CMYA5: variants seen among roughly 807,000 people sequenced by gnomAD.
CMYA5 encodes cardiomyopathy associated 5.
CMYA5 carries 246 observed loss-of-function variants against 318.9 expected under a neutral mutation model. The observed-to-expected ratio is 0.77, with a 90% CI of 0.70 to 0.86. CMYA5 has a LOEUF of 0.86. Among genes scored for constraint, CMYA5 ranks in the 40% least tolerant of loss-of-function variants. The pLI is 0.00. For missense variants in CMYA5, 4,589 were observed against 4,678.2 expected (o/e 0.98, Z 0.56); for synonymous variants, 1,641 against 1,729.5 (o/e 0.95, Z 1.27).
In CMYA5 at chr5:79,735,091, A is replaced by G; in HGVS notation, c.6326A>G (p.Gln2109Arg). ...CCATTGGAAGAATCAAAAATGGTTC[A>G]GTCAAAGGTTATTGATGATGCTGAT... is the stretch of plus-strand genomic sequence containing the variant. ...EKPLEESKMV[Q>R]SKVIDDADEG... The change falls in exon 2 of 13, where the codon CAG becomes CGG. Residue 2109 changes from glutamine to arginine, a missense_variant. Transcript: ENST00000446378. The G allele has an allele frequency of 6.2e-7, 1 of 1,613,868 alleles. No homozygotes were observed. The highest frequency in any genetic ancestry group is 2.2e-5 in the East Asian group (1 of 44,882).
intron 9 of CMYA5, among the ~76,000 whole-genome samples, chr5:79,764,132 C>A (rs1828706379): frequency 6.6e-6 from 1 of 151,968 alleles, no homozygotes. Flanking sequence ...GGTGTTTCTC[C>A]TAATTCTATC....
Position 79,689,966 on chromosome 5 carries a change from A to G in CMYA5, c.59A>G (p.Glu20Gly). 1 of 1,247,784 alleles carries G rather than the reference A, an allele frequency of 8.0e-7. No homozygotes were observed. The highest frequency in any genetic ancestry group is 1.1e-6 in the Non-Finnish European group (1 of 877,656). The allele number at this position is 1,247,784 out of a possible 1,614,324, so 77.3% of individuals were successfully genotyped here. The part of the protein sequence containing the change: ...GESFLGSDGD[E>G]EATRELETEE... Reference sequence around the variant, plus strand: ...AGCTTTCTCGGCTCCGACGGGGACGAGGAGGCGACCCGGGAGCTGGAGACC... The same window carrying G: ...AGCTTTCTCGGCTCCGACGGGGACGGGGAGGCGACCCGGGAGCTGGAGACC... Residue 20 changes from glutamate to glycine, a missense_variant, in exon 1 of 13, where the codon GAG becomes GGG. Around this residue, in one of 3 missense-constraint regions of CMYA5, gnomAD observed 2,132 missense variants for 2,131.3 expected, o/e 1.00. Coordinates refer to ENST00000446378, the MANE Select transcript of CMYA5 (RefSeq NM_153610.5).
Position 79,730,247 on chromosome 5 carries a change from T to C in CMYA5, c.1482T>C (p.Ser494=), listed in dbSNP as rs534812277. The change falls in exon 2 of 13, where the codon TCT becomes TCC. Residue 494 remains serine, a synonymous_variant. Transcript: ENST00000446378. ...KEENMLEPSI[S]LSEPLMLEEP... The stretch of plus-strand genomic sequence containing the variant: ...AAAACATGCTTGAGCCATCCATTTC[T>C]CTTTCTGAACCTCTAATGTTAGAAG... 1 of 1,613,992 alleles carries C rather than the reference T, an allele frequency of 6.2e-7. No homozygotes were observed. The highest frequency in any genetic ancestry group is 8.5e-7 in the Non-Finnish European group (1 of 1,179,892).
Position 79,731,803 on chromosome 5 carries a change from T to A in CMYA5, c.3038T>A (p.Ile1013Asn). Reference sequence around the variant, plus strand: ...CAAGTTTCAATCCCTCCCTTTAGAATCTCAGAAACAGAGAAAAATGAACTT... The same window carrying A: ...CAAGTTTCAATCCCTCCCTTTAGAAACTCAGAAACAGAGAAAAATGAACTT... ...ASQVSIPPFR[I>N]SETEKNELEP... The change falls in exon 2 of 13, where the codon ATC becomes AAC. Residue 1013 changes from isoleucine to asparagine, a missense_variant. Around this residue, in one of 3 missense-constraint regions of CMYA5, gnomAD observed 2,132 missense variants for 2,131.3 expected, o/e 1.00. Transcript: ENST00000446378. 4 of 1,612,948 alleles carry A rather than the reference T, an allele frequency of 2.5e-6. No homozygotes were observed. Among genetic ancestry groups the A allele is most frequent in the Non-Finnish European group, 3.4e-6 (4 of 1,179,588 alleles).
Position 79,732,380 on chromosome 5 carries a change from A to G in CMYA5, c.3615A>G (p.Arg1205=). Reference sequence around the variant, plus strand: ...AACAGATGGCTTTGTCAAAAGTCAGAAAGGAAGAAATTGTGCCTGATTCTC... The same window carrying G: ...AACAGATGGCTTTGTCAAAAGTCAGGAAGGAAGAAATTGTGCCTGATTCTC... ...ADEQMALSKV[R]KEEIVPDSQE... is the part of the protein sequence containing the mutation. The change falls in exon 2 of 13, where the codon AGA becomes AGG. Residue 1205 remains arginine, a synonymous_variant. Coordinates refer to ENST00000446378, the MANE Select transcript of CMYA5 (RefSeq NM_153610.5). 1.2e-6 allele frequency: 2 copies of G among 1,613,822 alleles called. No homozygotes were observed. Among genetic ancestry groups the G allele is most frequent in the Non-Finnish European group, 1.7e-6 (2 of 1,179,828 alleles).
Position 79,743,883 on chromosome 5 carries a change from CTT to C in CMYA5, c.10697_10698del (p.Phe3566CysfsTer2), listed in dbSNP as rs1291330683. The C allele has an allele frequency of 3.9e-6, 6 of 1,547,468 alleles. No homozygotes were observed. Among genetic ancestry groups the C allele is most frequent in the Non-Finnish European group, 5.2e-6 (6 of 1,144,526 alleles). On this transcript the variant is annotated frameshift_variant, in exon 3 of 13. Transcript: ENST00000446378. LOFTEE classifies it high-confidence loss of function. ...AAGAAAAGTCCTTGAGGATTGAAGC[CTT>C]TGTTAGTGAGATAGAATCCTTTTTT... The part of the protein sequence containing the change: ...LQEKSLRIEA[F>X]VSEIESFFNT...
At chr5:79,786,630 T>C (rs1352801522) in intron 9 of CMYA5, among the ~76,000 whole-genome samples, 1 of 152,184 alleles carries the variant, frequency 6.6e-6, no homozygotes, top group African/African-American at 2.4e-5. Flanking sequence ...ATTAAAAAAA[T>C]CATAATCTCT....
At chr5:79,789,720 T>C (rs1156370971) in intron 10 of CMYA5, among the ~76,000 whole-genome samples, 11 of 152,278 alleles carry the variant, frequency 7.2e-5, no homozygotes, top group African/African-American at 2.2e-4. Flanking sequence ...CCACCATGCC[T>C]GGCCTCTCCA....
At chr5:79,752,516 C>G (rs1478415841) in intron 5 of CMYA5, among the ~76,000 whole-genome samples, 160 bp from the exon 6 acceptor site, 1 of 152,198 alleles carries the variant, frequency 6.6e-6, no homozygotes, top group East Asian at 1.9e-4. Context: ...ACATATATTT[C>G]AAGACTTTAA....
chr5:79,755,331 G>A (rs1828506453), intron 6 of CMYA5, among the ~76,000 whole-genome samples: 1 of 151,928 alleles, frequency 6.6e-6, no homozygotes, highest in Non-Finnish European at 1.5e-5. Flanking sequence ...CTGTCGCCCA[G>A]GCTGAAGTGC....
intron 1 of CMYA5, among the ~76,000 whole-genome samples, chr5:79,691,994 T>G (rs1430482871): frequency 6.6e-6 from 1 of 152,228 alleles, no homozygotes; most frequent in Non-Finnish European, 1.5e-5. Flanking sequence ...GTTATTCTCT[T>G]AAGACTTGGA....
At chr5:79,701,270 C>G (rs1827170647) in intron 1 of CMYA5, among the ~76,000 whole-genome samples, 1 of 151,816 alleles carries the variant, frequency 6.6e-6, no homozygotes, top group Non-Finnish European at 1.5e-5. Context: ...ACACTTAGAA[C>G]AAATAATACC....
chr5:79,763,336 G>A, intron 9 of CMYA5, 127 bp downstream of exon 9: 1 of 811,978 alleles, frequency 1.2e-6, no homozygotes, highest in East Asian at 2.7e-5. Context: ...AGCTAATGAA[G>A]CCGCTGACTT....
chr5:79,747,535 T>G (rs1828351876), intron 5 of CMYA5, among the ~76,000 whole-genome samples: 1 of 152,258 alleles, frequency 6.6e-6, no homozygotes, highest in Non-Finnish European at 1.5e-5. Context: ...CTTCAAAAGA[T>G]AGTCATGCAT....
chr5:79,690,421 G>C (rs1826945515), intron 1 of CMYA5, among the ~76,000 whole-genome samples: 1 of 152,178 alleles, frequency 6.6e-6, no homozygotes, highest in Non-Finnish European at 1.5e-5. Flanking sequence ...GGGTGGGGTG[G>C]AGGCGGTGAA....
Position 79,737,995 on chromosome 5 carries a change from A to C in CMYA5, c.9230A>C (p.Asn3077Thr), listed in dbSNP as rs1297621905. The C allele has an allele frequency of 6.2e-7, 1 of 1,613,564 alleles. No individual in the cohort carries two copies. Among genetic ancestry groups the C allele is most frequent in the East Asian group, 2.2e-5 (1 of 44,868 alleles). The change falls in exon 2 of 13, where the codon AAT becomes ACT. Residue 3077 changes from asparagine to threonine, a missense_variant. Asn to Thr is a moderately conservative substitution (Grantham distance 65). Transcript: ENST00000446378. ...PEKQKAPQKL[N>T]VEEKLSKEVT... The stretch of plus-strand genomic sequence containing the variant: ...AAACAGAAAGCTCCACAGAAATTAA[A>C]TGTTGAAGAGAAACTCTCAAAGGAA...
chr5:79,737,176 G>A lies in CMYA5; in HGVS notation c.8411G>A (p.Ser2804Asn). The A allele has an allele frequency of 1.2e-6, 2 of 1,613,114 alleles. No individual in the cohort carries two copies. The highest frequency in any genetic ancestry group is 1.1e-5 in the South Asian group (1 of 91,010). ...TLARPFDETK[S>N]SETPPYLLSP... ...GCTCGTCCTTTTGATGAAACTAAGA[G>A]CTCAGAAACACCGCCATATTTGCTG... Residue 2804 changes from serine (S) to asparagine (N), a missense_variant, in exon 2 of 13, where the codon AGC becomes AAC. Ser to Asn is a conservative substitution (Grantham distance 46). This residue lies in a region of CMYA5 where 2,431 missense variants were observed against 2,495.1 expected (regional missense o/e 0.97). Transcript: ENST00000446378.
chr5:79,755,509 A>G (rs368875636), intron 6 of CMYA5, among the ~76,000 whole-genome samples: 3 of 151,670 alleles, frequency 2.0e-5, no homozygotes, highest in Non-Finnish European at 2.9e-5. Flanking sequence ...TTGGTCTCCT[A>G]CTCCTGAACT....
chr5:79,741,646 G>C (rs1405657236), intron 2 of CMYA5, among the ~76,000 whole-genome samples: 2 of 152,124 alleles, frequency 1.3e-5, no homozygotes, highest in Non-Finnish European at 2.9e-5. Flanking sequence ...TACAGTGGAA[G>C]TGGGCCCCAT....
Sources: gnomAD v4.1 joint callset for allele counts (sites outside exome capture counted in the v4.1 genomes callset) on GRCh38, gnomAD v4.1.1 for gene constraint, gnomAD v4.1.1 regional missense constraint, MANE v1.5 for transcripts, NCBI Gene and HGNC (gene_info 2026-07-23, HGNC 2026-07-21) for gene names.